The following RAC1 variants were observed in gnomAD, a reference collection of about 807,000 sequenced individuals.
RAC1 encodes the protein Rac family small GTPase 1, also known as ras-related C3 botulinum toxin substrate 1.
RAC1 carries 2 observed loss-of-function variants against 25.2 expected under a neutral mutation model. That is an observed-to-expected ratio of 0.08 (90% CI 0.03 to 0.25). The LOEUF (loss-of-function observed/expected upper bound fraction) is 0.25, where lower values mean the gene tolerates loss of function less well. RAC1 is among the 10% of genes least tolerant of loss of function. The probability of loss-of-function intolerance (pLI) is 1.00; values close to 1 mark genes in which losing one functional copy is unlikely to be tolerated. For missense variants in RAC1, 50 were observed against 235.7 expected, an observed-to-expected ratio of 0.21 and a Z score of 5.16; for synonymous variants, 88 against 94.0, an observed-to-expected ratio of 0.94 and a Z score of 0.37.
intron 2 of RAC1, among the ~76,000 whole-genome samples, chr7:6,389,785 C>G (rs148889462): frequency 1.3e-5 from 2 of 152,198 alleles, no homozygotes; most frequent in East Asian, 3.9e-4. Flanking sequence ...CTTGGTCTCC[C>G]GAAGTGTTGG....
At chr7:6,401,825 G>T (rs1783411689) in intron 4 of RAC1, 43 bp from the exon 5 acceptor site, 1 of 1,585,104 alleles carries the variant, frequency 6.3e-7, no homozygotes, top group Non-Finnish European at 8.6e-7. Context: ...AAGGACATCT[G>T]TAAAGGAGCG....
In RAC1 at chr7:6,374,781, G is replaced by A. The variant is rs1173670958; in HGVS notation, c.35+11G>A. ...GGTGGTGGGAGACGGGTGAGTGCGC[G>A]GCCGGGGCCGGGCTGGAGGCCGCGG... is the stretch of plus-strand genomic sequence containing the variant. On this transcript the variant is annotated intron_variant, in intron 1 of 5. Transcript: ENST00000348035. The A allele has an allele frequency of 5.3e-6, 6 of 1,131,550 alleles. No individual in the cohort carries two copies. Among genetic ancestry groups the A allele is most frequent in the Non-Finnish European group, 6.5e-6 (6 of 919,054 alleles). 70.1% of individuals were successfully genotyped at this position (1,131,550 alleles called of 1,614,324 possible).
chr7:6,392,836 T>C (rs1411694890), intron 3 of RAC1, among the ~76,000 whole-genome samples: 1 of 152,236 alleles, frequency 6.6e-6, no homozygotes, highest in African/African-American at 2.4e-5. Flanking sequence ...ATGTCCTAGC[T>C]CTGTGACTTC....
At chr7:6,397,375 A>G (rs999779153) in intron 3 of RAC1, among the ~76,000 whole-genome samples, 1 of 151,284 alleles carries the variant, frequency 6.6e-6, no homozygotes, top group African/African-American at 2.4e-5. Flanking sequence ...CCTCACTGCA[A>G]CCTCCACCTC....
rs34547258 is a variant in RAC1, at chr7:6,390,096, CTTTTTTTT to C, written c.108-1814_108-1807del. Among the ~76,000 whole-genome samples, 5 of 74,916 alleles carry C rather than the reference CTTTTTTTT, an allele frequency of 6.7e-5. No homozygotes were observed. The South Asian group carries it at 3.3e-3, about 49-fold the overall frequency. 49.1% of individuals were successfully genotyped at this position (74,916 alleles called of 152,430 possible). A position where few individuals can be genotyped will look rare whatever the true frequency, so the allele number is the denominator to read the frequency against. The stretch of plus-strand genomic sequence containing the variant: ...CCTCCCTTGCTCCCTCCCTCCCTCC[CTTTTTTTT>C]TTTTTTTTTTTTTGAGATGGGGTCT... On this transcript the variant is annotated intron_variant, in intron 2 of 5. Transcript: ENST00000348035.
chr7:6,392,556 C>T (rs1296916750), intron 3 of RAC1, among the ~76,000 whole-genome samples: 1 of 152,072 alleles, frequency 6.6e-6, no homozygotes, highest in South Asian at 2.1e-4. Flanking sequence ...TAAAATGTAT[C>T]CACTGTGTCT....
chr7:6,375,397 A>G (rs1474714843), intron 1 of RAC1, among the ~76,000 whole-genome samples: 1 of 151,892 alleles, frequency 6.6e-6, no homozygotes, highest in African/African-American at 2.4e-5. Flanking sequence ...CTAATCTTTA[A>G]AAGTTTTTTG....
Position 6,376,506 on chromosome 7 carries a change from CT to C in RAC1, c.35+1750del, listed in dbSNP as rs1315630129. Among the ~76,000 whole-genome samples the C allele has an allele frequency of 3.1e-3, 259 of 82,986 alleles. No homozygotes were observed. The Middle Eastern group carries it at 0.031, about 10-fold the overall frequency. The allele number at this position is 82,986 out of a possible 152,430, so 54.4% of individuals were successfully genotyped here. ...GCCCAATTTTTTTTTTTTTTCTTTT[CT>C]TTTTTTTTTTTTTGAGACGGGGTCT... On this transcript the variant is annotated intron_variant, in intron 1 of 5. Transcript: ENST00000348035.
At chr7:6,394,729 G>A (rs1276353220) in intron 3 of RAC1, among the ~76,000 whole-genome samples, 1 of 152,132 alleles carries the variant, frequency 6.6e-6, no homozygotes, top group African/African-American at 2.4e-5. Flanking sequence ...TGCCCAGGCT[G>A]GAGTGCAATG....
intron 3 of RAC1, among the ~76,000 whole-genome samples, chr7:6,397,206 A>G (rs1264748563): frequency 2.7e-4 from 40 of 146,420 alleles, no homozygotes; most frequent in African/African-American, 1.0e-3. Context: ...GCGCCACTGC[A>G]CTCCAGCCTG....
chr7:6,390,093 TC>T (rs1461673734), intron 2 of RAC1, among the ~76,000 whole-genome samples: 1 of 52,728 alleles, frequency 1.9e-5, no homozygotes, highest in Non-Finnish European at 3.5e-5. Flanking sequence ...CCTCCCTCCC[TC>T]CCTTTTTTTT....
intron 3 of RAC1, among the ~76,000 whole-genome samples, chr7:6,392,346 G>C (rs1237689769): frequency 6.6e-6 from 1 of 152,198 alleles, no homozygotes; most frequent in Non-Finnish European, 1.5e-5. Flanking sequence ...CAATTAGTTT[G>C]AAGGCAGGTT....
intron 2 of RAC1, 135 bp downstream of exon 2, chr7:6,387,418 C>T (rs1782954298): frequency 3.0e-6 from 2 of 669,288 alleles, no homozygotes. Context: ...TTCACTGAAA[C>T]CTAATTATAA....
chr7:6,388,487 G>T, intron 2 of RAC1, among the ~76,000 whole-genome samples: 1 of 151,582 alleles, frequency 6.6e-6, no homozygotes, highest in African/African-American at 2.4e-5. Flanking sequence ...TGTGATTACA[G>T]GCATACACCA....
rs1231575543 is a variant in RAC1 at position 6,376,671 on chromosome 7, TG to T, written c.35+1902del. ...CGCAAGCCACCATGCCCAGCTAATTTGTTTTTTTTTTTTTTTTTTGTATTTT... is the reference window on the plus strand; with the variant it reads ...CGCAAGCCACCATGCCCAGCTAATTTTTTTTTTTTTTTTTTTTTGTATTTT... On this transcript the variant is annotated intron_variant, in intron 1 of 5. Coordinates refer to ENST00000348035, the MANE Select transcript of RAC1 (RefSeq NM_006908.5). 2.5e-3 allele frequency among the ~76,000 whole-genome samples: 209 copies of T among 82,612 alleles called. 1 individual carries two copies. In the East Asian group the frequency reaches 0.062, roughly 24 times the overall value. The allele number at this position is 82,612 out of a possible 152,430, so 54.2% of individuals were successfully genotyped here. A position where few individuals can be genotyped will look rare whatever the true frequency, so the allele number is the denominator to read the frequency against.
chr7:6,389,220 T>A (rs13307708), intron 2 of RAC1, among the ~76,000 whole-genome samples: 124 of 146,796 alleles, frequency 8.4e-4, no homozygotes, highest in Non-Finnish European at 1.4e-3. Flanking sequence ...AAAAAAAAAT[T>A]AAAAAATTAT....
At position 6,400,117 on chromosome 7, in the gene RAC1, T is replaced by C. The variant is rs758430618; in HGVS notation, c.226-9T>C. ...TGTCTAAATGTTTCCCTGTGTTTCC[T>C]TTTTGTAGGATGTGTTCTTAATTTG... On this transcript the variant is annotated splice_polypyrimidine_tract_variant and intron_variant, in intron 3 of 5. Transcript: ENST00000348035. 4 of 1,607,524 alleles carry C rather than the reference T, an allele frequency of 2.5e-6. No homozygotes were observed. Among genetic ancestry groups the C allele is most frequent in the Non-Finnish European group, 3.4e-6 (4 of 1,174,382 alleles).
chr7:6,377,539 G>A (rs1348956016), intron 1 of RAC1, among the ~76,000 whole-genome samples: 1 of 152,160 alleles, frequency 6.6e-6, no homozygotes, highest in African/African-American at 2.4e-5. Context: ...AGGTTGTAGT[G>A]AGCTGAGATT....
intron 3 of RAC1, chr7:6,398,591 T>C: frequency 1.5e-6 from 2 of 1,320,924 alleles, no homozygotes; most frequent in Non-Finnish European, 1.1e-6. Flanking sequence ...AAAGAATCGA[T>C]AAGAGGTTAT....
Sources: gnomAD v4.1 joint callset for allele counts (sites outside exome capture counted in the v4.1 genomes callset) on GRCh38, gnomAD v4.1.1 for gene constraint, MANE v1.5 for transcripts, NCBI Gene and HGNC (gene_info 2026-07-23, HGNC 2026-07-21) for gene names.